The following GNAQ variants were observed in gnomAD, a reference collection of about 807,000 sequenced individuals.
GNAQ encodes the protein guanine nucleotide-binding protein G(q) subunit alpha.
GNAQ carries 8 observed loss-of-function variants against 43.9 expected under a neutral mutation model. That is an observed-to-expected ratio of 0.18 (90% CI 0.11 to 0.33). The LOEUF is 0.33. Ranked by LOEUF, GNAQ falls within the 10% of genes least tolerant of loss-of-function variation. The pLI, the probability that GNAQ is intolerant of heterozygous loss-of-function variation, is 1.00. For missense variants in GNAQ, 158 were observed against 450.8 expected (o/e 0.35, Z 5.88); for synonymous variants, 155 against 170.7 (o/e 0.91, Z 0.71).
chr9:77,775,368 C>G (rs1201080864), intron 5 of GNAQ, among the ~76,000 whole-genome samples: 6 of 151,126 alleles, frequency 4.0e-5, no homozygotes, highest in African/African-American at 1.5e-4. Flanking sequence ...ATTTATCCTC[C>G]TATTAACAGT....
intron 2 of GNAQ, among the ~76,000 whole-genome samples, chr9:77,823,570 G>A (rs1358787930): frequency 6.6e-6 from 1 of 152,142 alleles, no homozygotes; most frequent in Non-Finnish European, 1.5e-5. Flanking sequence ...ACTGACTCAC[G>A]GTTCTGCAGG....
chr9:77,955,263 C>T (rs773102296), intron 1 of GNAQ, among the ~76,000 whole-genome samples: 1 of 152,148 alleles, frequency 6.6e-6, no homozygotes, highest in Non-Finnish European at 1.5e-5. Flanking sequence ...CCGCCTCAGC[C>T]TCCTGAGTAG....
intron 5 of GNAQ, among the ~76,000 whole-genome samples, chr9:77,775,461 G>A: frequency 6.8e-6 from 1 of 146,974 alleles, no homozygotes; most frequent in East Asian, 2.0e-4. Flanking sequence ...CCAGGCTGGA[G>A]TACAGTGGCG....
intron 2 of GNAQ, among the ~76,000 whole-genome samples, chr9:77,901,644 T>C (rs555027674): frequency 5.4e-4 from 82 of 152,350 alleles, no homozygotes; most frequent in Non-Finnish European, 1.3e-4. Context: ...TACTCTCCTC[T>C]GCATTCCTCA....
At chr9:77,921,175 A>G (rs1013102913) in intron 2 of GNAQ, among the ~76,000 whole-genome samples, 4 of 152,220 alleles carry the variant, frequency 2.6e-5, no homozygotes, top group African/African-American at 9.6e-5. Context: ...ATCCCTGAGG[A>G]GCAAAGACTG....
At position 77,916,986 on chromosome 9, in the gene GNAQ, T is replaced by C. The variant is rs540061040; in HGVS notation, c.321+5175A>G. On this transcript the variant is annotated intron_variant, in intron 2 of 6. Transcript: ENST00000286548. ...AGATTATAAGCCAACTATCAAAGGA[T>C]ACTATGATCCGCTATCTGGAGTAAT... is the stretch of plus-strand genomic sequence containing the variant. Among the ~76,000 whole-genome samples the C allele has an allele frequency of 3.9e-5, 6 of 152,318 alleles. No individual in the cohort carries two copies. In the South Asian group the frequency reaches 1.2e-3, roughly 32 times the overall value.
At chr9:77,928,595 A>G (rs1829101406) in intron 1 of GNAQ, among the ~76,000 whole-genome samples, 2 of 152,212 alleles carry the variant, frequency 1.3e-5, no homozygotes, top group Admixed American at 6.5e-5. Flanking sequence ...TTGATCATAC[A>G]AGGTTATTCA....
At chr9:78,013,538 A>C (rs370481378) in intron 1 of GNAQ, among the ~76,000 whole-genome samples, 1 of 151,770 alleles carries the variant, frequency 6.6e-6, no homozygotes, top group Non-Finnish European at 1.5e-5. Context: ...TTCTAACAAG[A>C]CTTTTATCAT....
intron 3 of GNAQ, among the ~76,000 whole-genome samples, chr9:77,811,860 T>C (rs1356881123): frequency 6.6e-6 from 1 of 152,182 alleles, no homozygotes; most frequent in African/African-American, 2.4e-5. Flanking sequence ...AACTCTGGTT[T>C]ATACACACAA....
chr9:77,907,752 A>T (rs1446249008), intron 2 of GNAQ, among the ~76,000 whole-genome samples: 1 of 152,210 alleles, frequency 6.6e-6, no homozygotes, highest in African/African-American at 2.4e-5. Flanking sequence ...ATACTGACTC[A>T]TTCATTCCAT....
At chr9:77,925,297 C>A (rs1323103063) in intron 1 of GNAQ, among the ~76,000 whole-genome samples, 1 of 152,168 alleles carries the variant, frequency 6.6e-6, no homozygotes, top group Non-Finnish European at 1.5e-5. Flanking sequence ...TCTCCTCTGT[C>A]CTGTTCTCTA....
chr9:77,728,392 A>C, intron 6 of GNAQ, 122 bp downstream of exon 6: 1 of 720,328 alleles, frequency 1.4e-6, no homozygotes, highest in Admixed American at 2.2e-5. Flanking sequence ...TATCAGTTTC[A>C]ACACGCAGGC....
At chr9:77,792,114 G>T (rs1436439062) in intron 5 of GNAQ, among the ~76,000 whole-genome samples, 1 of 152,086 alleles carries the variant, frequency 6.6e-6, no homozygotes, top group East Asian at 1.9e-4. Context: ...GATAGCTGTG[G>T]CTAATATGGA....
At chr9:77,737,079 C>G (rs968193170) in intron 5 of GNAQ, among the ~76,000 whole-genome samples, 1 of 152,212 alleles carries the variant, frequency 6.6e-6, no homozygotes, top group Admixed American at 6.5e-5. Flanking sequence ...ACTTACTGAG[C>G]TGAGAGTCAG....
At chr9:78,003,805 G>C (rs1223340774) in intron 1 of GNAQ, among the ~76,000 whole-genome samples, 3 of 139,592 alleles carry the variant, frequency 2.1e-5, no homozygotes, top group Non-Finnish European at 3.1e-5. Context: ...TTTAGAGCAA[G>C]ACTGTCTAAA....
intron 2 of GNAQ, among the ~76,000 whole-genome samples, chr9:77,840,353 GT>G (rs397701613): frequency 5.6e-4 from 80 of 142,338 alleles, no homozygotes; most frequent in African/African-American, 7.8e-4. Flanking sequence ...ATTACTTTTT[GT>G]TTTTTTTTTT....
At chr9:77,874,543 C>T (rs750041976) in intron 2 of GNAQ, among the ~76,000 whole-genome samples, 5 of 152,166 alleles carry the variant, frequency 3.3e-5, no homozygotes, top group Non-Finnish European at 5.9e-5. Flanking sequence ...CAATCCTTCC[C>T]TATGTCCCTC....
Position 77,853,922 on chromosome 9 carries a change from G to T in GNAQ, c.322-38152C>A, listed in dbSNP as rs117663295. 1.0e-3 allele frequency among the ~76,000 whole-genome samples: 152 copies of T among 152,144 alleles called. 1 individual carries two copies. In the East Asian group the frequency reaches 0.025, roughly 25 times the overall value. On this transcript the variant is annotated intron_variant, in intron 2 of 6. Transcript: ENST00000286548. ...AATGAATTTTGGAGTGCCTCCAGGC[G>T]AGAGGACAGAGGTTCCTGAAATCTG...
At chr9:77,930,826 A>T (rs1829138934) in intron 1 of GNAQ, among the ~76,000 whole-genome samples, 1 of 152,100 alleles carries the variant, frequency 6.6e-6, no homozygotes, top group Non-Finnish European at 1.5e-5. Context: ...CAGCAGTCCC[A>T]ACCCCCAGGA....
Sources: allele counts gnomAD v4.1 joint callset (sites outside exome capture counted in the v4.1 genomes callset), GRCh38; gene constraint gnomAD v4.1.1; transcripts MANE v1.5; gene names NCBI Gene and HGNC (gene_info 2026-07-23, HGNC 2026-07-21).